The following SLC14A2 variants were observed in gnomAD, a reference collection of about 807,000 sequenced individuals.
The protein encoded by SLC14A2 is urea transporter 2.
A neutral mutation model predicts 104.6 loss-of-function variants in SLC14A2; 91 were observed. That is an observed-to-expected ratio of 0.87 (90% confidence interval 0.73 to 1.04). The LOEUF is 1.04. SLC14A2 is among the 50% of genes least tolerant of loss of function. The pLI, the probability that SLC14A2 is intolerant of heterozygous loss-of-function variation, is 0.00. For missense variants in SLC14A2, 1,189 were observed against 1,156.0 expected, an observed-to-expected ratio of 1.03 and a Z score of -0.41; for synonymous variants, 476 against 466.4, an observed-to-expected ratio of 1.02 and a Z score of -0.27.
chr18:45,385,831 T>A (rs1228516485), intron 1 of SLC14A2, among the ~76,000 whole-genome samples: 2 of 152,118 alleles, frequency 1.3e-5, no homozygotes, highest in African/African-American at 4.8e-5. Flanking sequence ...TTCCAGGGGT[T>A]ATATAGAAAA....
At chr18:45,382,030 T>C (rs2085843901) in intron 1 of SLC14A2, among the ~76,000 whole-genome samples, 1 of 152,190 alleles carries the variant, frequency 6.6e-6, no homozygotes, top group Non-Finnish European at 1.5e-5. Flanking sequence ...AGCTTCTACC[T>C]GGCAACCTTC....
At chr18:45,222,525 G>A (rs1230232364) in intron 1 of SLC14A2, among the ~76,000 whole-genome samples, 1 of 152,150 alleles carries the variant, frequency 6.6e-6, no homozygotes, top group Non-Finnish European at 1.5e-5. Context: ...TGACAGAGAA[G>A]TGGGATTTCA....
At chr18:45,245,536 G>A (rs1381033757) in intron 1 of SLC14A2, among the ~76,000 whole-genome samples, 2 of 152,190 alleles carry the variant, frequency 1.3e-5, no homozygotes, top group African/African-American at 4.8e-5. Context: ...GGCCATTTGG[G>A]AATTTAGAAA....
chr18:45,192,614 TTGTG>T, the SLC14A2 span, among the ~76,000 whole-genome samples: 50 of 146,622 alleles, frequency 3.4e-4, no homozygotes, highest in East Asian at 9.8e-4. Context: ...GGTAGTGGTT[TTGTG>T]TGTGTGTGTG....
intron 1 of SLC14A2, among the ~76,000 whole-genome samples, chr18:45,308,796 G>T (rs570560594): frequency 4.6e-5 from 7 of 152,220 alleles, no homozygotes; most frequent in Admixed American, 1.3e-4. Flanking sequence ...CTTTCCTCCT[G>T]GTCTGAACAT....
chr18:45,413,093 T>C (rs2086231973), intron 1 of SLC14A2, among the ~76,000 whole-genome samples: 1 of 152,190 alleles, frequency 6.6e-6, no homozygotes, highest in Non-Finnish European at 1.5e-5. Context: ...TAAAGACAAA[T>C]AGAACCTAGG....
chr18:45,390,972 A>C (rs767585847), intron 1 of SLC14A2, among the ~76,000 whole-genome samples: 1 of 152,216 alleles, frequency 6.6e-6, no homozygotes, highest in Non-Finnish European at 1.5e-5. Flanking sequence ...GTACATGTGC[A>C]CAATGTGCAG....
At chr18:45,433,996 C>T (rs1383949497) in intron 1 of SLC14A2, among the ~76,000 whole-genome samples, 1 of 152,160 alleles carries the variant, frequency 6.6e-6, no homozygotes, top group Non-Finnish European at 1.5e-5. Context: ...TGTCTTCCCT[C>T]AATGGCAGAT....
upstream of SLC14A2, among the ~76,000 whole-genome samples, chr18:45,613,467 GAGGAAGATAGATAGAAAGATGTGGGAA>G (rs562388495): frequency 9.8e-5 from 15 of 152,306 alleles, no homozygotes; most frequent in African/African-American, 3.6e-4. Context: ...GGAGAGCTCG[GAGGAAGATAGATAGAAAGATGTGGGAA>G]AGTTTGGAAC....
chr18:45,245,422 A>G (rs1403177044), intron 1 of SLC14A2, among the ~76,000 whole-genome samples: 1 of 152,202 alleles, frequency 6.6e-6, no homozygotes, highest in East Asian at 1.9e-4. Context: ...CCTTTGTCTT[A>G]CCATTTCTCC....
chr18:45,213,923 G>A (rs547137423), intron 1 of SLC14A2, among the ~76,000 whole-genome samples: 5 of 152,228 alleles, frequency 3.3e-5, no homozygotes, highest in Admixed American at 6.5e-5. Context: ...TTTCACAGTC[G>A]TCAGACCAAT....
At chr18:45,494,299 A>C (rs1450544694) in intron 2 of SLC14A2, among the ~76,000 whole-genome samples, 13 of 152,252 alleles carry the variant, frequency 8.5e-5, no homozygotes, top group Middle Eastern at 3.2e-3. Context: ...GCTATCCTTC[A>C]TCATGTCCAT....
chr18:45,513,157 C>T (rs1428481129), intron 2 of SLC14A2, among the ~76,000 whole-genome samples: 1 of 152,194 alleles, frequency 6.6e-6, no homozygotes, highest in Non-Finnish European at 1.5e-5. Context: ...TTAGCAAACA[C>T]TTGTTCTCTA....
intron 15 of SLC14A2, 142 bp from the exon 16 acceptor site, chr18:45,669,164 C>G (rs912539939): frequency 4.6e-6 from 3 of 646,138 alleles, no homozygotes; most frequent in South Asian, 2.3e-5. Flanking sequence ...AGGGAAAGAC[C>G]TGCTCAGGGC....
At chr18:45,432,288 C>A (rs1432210535) in intron 1 of SLC14A2, among the ~76,000 whole-genome samples, 2 of 152,252 alleles carry the variant, frequency 1.3e-5, no homozygotes, top group South Asian at 4.2e-4. Flanking sequence ...AATGATAAGG[C>A]CACAGGGGCA....
intron 1 of SLC14A2, among the ~76,000 whole-genome samples, chr18:45,388,810 G>A (rs970161517): frequency 1.3e-5 from 2 of 152,104 alleles, no homozygotes; most frequent in Non-Finnish European, 2.9e-5. Flanking sequence ...GAAGGCCACA[G>A]GTGCACACAA....
At chr18:45,654,715 G>C (rs1023560647) in intron 10 of SLC14A2, among the ~76,000 whole-genome samples, 3 of 152,142 alleles carry the variant, frequency 2.0e-5, no homozygotes, top group Non-Finnish European at 4.4e-5. Flanking sequence ...TGGTAAATGA[G>C]GCTGGACAAA....
chr18:45,339,830 G>T (rs2144279801), intron 1 of SLC14A2, among the ~76,000 whole-genome samples: 1 of 152,322 alleles, frequency 6.6e-6, no homozygotes, highest in Admixed American at 6.5e-5. Flanking sequence ...TCCAAAGGGG[G>T]ACACTTCAGA....
At chr18:45,323,543 T>C (rs1311157073) in intron 1 of SLC14A2, among the ~76,000 whole-genome samples, 1 of 152,220 alleles carries the variant, frequency 6.6e-6, no homozygotes, top group Non-Finnish European at 1.5e-5. Context: ...TTGTGTTTGC[T>C]TTCATTATGG....
Sources: allele counts gnomAD v4.1 joint callset (sites outside exome capture counted in the v4.1 genomes callset), GRCh38; gene constraint gnomAD v4.1.1; transcripts MANE v1.5; gene names NCBI Gene and HGNC (gene_info 2026-07-23, HGNC 2026-07-21).